Variants in HEATR3 observed in about 807,000 individuals in gnomAD.
HEATR3 encodes HEAT repeat containing 3.
HEATR3 carries 56 observed loss-of-function variants against 72.8 expected under a neutral mutation model. That is an observed-to-expected ratio of 0.77 (90% CI 0.62 to 0.96). The LOEUF (loss-of-function observed/expected upper bound fraction) is 0.96. Among genes scored for constraint, HEATR3 ranks in the 40% least tolerant of loss-of-function variants. The pLI, the probability that HEATR3 is intolerant of heterozygous loss-of-function variation, is 0.00. For missense variants in HEATR3, 747 were observed against 831.4 expected (o/e 0.90, Z 1.25); for synonymous variants, 331 against 318.1 (o/e 1.04, Z -0.43).
chr16:50,100,142 G>A (rs1396393909), intron 12 of HEATR3, 88 bp from the exon 13 acceptor site: 1 of 1,290,964 alleles, frequency 7.7e-7, no homozygotes, highest in Non-Finnish European at 1.1e-6. Flanking sequence ...GTAGCCTATA[G>A]AGGAGATTCC....
chr16:50,093,640 C>T (rs901610494), intron 11 of HEATR3, among the ~76,000 whole-genome samples: 6 of 152,160 alleles, frequency 3.9e-5, no homozygotes, highest in South Asian at 2.1e-4. Flanking sequence ...AAATACTAGT[C>T]TAGGGCCTCT....
chr16:50,072,993 ATTC>A, intron 5 of HEATR3: 2 of 316,548 alleles, frequency 6.3e-6, no homozygotes, highest in Non-Finnish European at 1.2e-5. Flanking sequence ...GCCTTTATTA[ATTC>A]TTGAAGTTTT....
Position 50,066,488 on chromosome 16 carries a change from T to G in HEATR3, c.260T>G (p.Leu87Arg). 1 of 1,345,976 alleles carries G rather than the reference T, an allele frequency of 7.4e-7. No homozygotes were observed. 83.4% of individuals were successfully genotyped at this position (1,345,976 alleles called of 1,614,324 possible). A position where few individuals can be genotyped will look rare whatever the true frequency, so the allele number is the denominator to read the frequency against. The change falls in exon 2 of 15, where the codon CTG becomes CGG. Residue 87 changes from leucine (L) to arginine (R), a missense_variant. By Grantham distance (102) the Leu-to-Arg change is moderately radical. Coordinates refer to ENST00000299192, the MANE Select transcript of HEATR3 (RefSeq NM_182922.4). ...GACGCCGTGCGCCGCCTCGGGCCGC[T>G]GCTGCTAGACCCCAGCCTGGCCGTC... is the stretch of plus-strand genomic sequence containing the variant. ...RRDAVRRLGP[L>R]LLDPSLAVRE...
chr16:50,098,642 C>T (rs529324556), intron 12 of HEATR3, among the ~76,000 whole-genome samples: 14 of 150,604 alleles, frequency 9.3e-5, no homozygotes, highest in Non-Finnish European at 2.1e-4. Context: ...GGCGACAGAG[C>T]GATACTCCGT....
intron 6 of HEATR3, among the ~76,000 whole-genome samples, chr16:50,077,522 C>T (rs1022113573): frequency 1.4e-4 from 21 of 152,228 alleles, no homozygotes; most frequent in Non-Finnish European, 2.1e-4. Context: ...AGTAAAAATC[C>T]GGAACTCTTT....
chr16:50,100,136 C>G, intron 12 of HEATR3, 94 bp from the exon 13 acceptor site: 1 of 1,186,610 alleles, frequency 8.4e-7, no homozygotes, highest in Non-Finnish European at 1.2e-6. Context: ...AATCCTGTAG[C>G]CTATAGAGGA....
chr16:50,075,484 T>C, intron 5 of HEATR3, 87 bp from the exon 6 acceptor site: 1 of 1,241,920 alleles, frequency 8.1e-7, no homozygotes, highest in Non-Finnish European at 1.2e-6. Flanking sequence ...GTGGTAATGA[T>C]ACAATGTTTT....
rs1026933363 is a variant in HEATR3 at position 50,089,218 on chromosome 16, T to A, written c.1510+2867T>A. 6.1e-5 allele frequency among the ~76,000 whole-genome samples: 9 copies of A among 146,908 alleles called. No individual in the cohort carries two copies. In the Admixed American group the frequency reaches 6.1e-4, roughly 10 times the overall value. ...TTTCATGTCTATTCTTGACATCATC[T>A]TTTTTTTTTTAAGGTTCAGGAATGT... On this transcript the variant is annotated intron_variant, in intron 11 of 14. Coordinates refer to ENST00000299192, the MANE Select transcript of HEATR3 (RefSeq NM_182922.4).
intron 12 of HEATR3, among the ~76,000 whole-genome samples, chr16:50,097,943 C>CAAAA (rs2037281967): frequency 6.7e-6 from 1 of 149,018 alleles, no homozygotes; most frequent in African/African-American, 2.5e-5. Flanking sequence ...AAAAAAAAAC[C>CAAAA]CTGGAATTAG....
chr16:50,066,606 C>T, intron 2 of HEATR3, 67 bp downstream of exon 2: 1 of 1,236,928 alleles, frequency 8.1e-7, no homozygotes, highest in Non-Finnish European at 1.0e-6. Flanking sequence ...TGCGGGCGGT[C>T]GCAGCGGTCA....
At chr16:50,070,769 G>A (rs1007051318) in intron 4 of HEATR3, among the ~76,000 whole-genome samples, 7 of 151,754 alleles carry the variant, frequency 4.6e-5, no homozygotes, top group East Asian at 1.9e-4. Context: ...TTCCCAGTCC[G>A]TTTTCTTACT....
At chr16:50,085,361 C>T (rs751513977) in intron 10 of HEATR3, among the ~76,000 whole-genome samples, 2 of 152,132 alleles carry the variant, frequency 1.3e-5, no homozygotes, top group African/African-American at 2.4e-5. Context: ...CATGGTGGCT[C>T]ACACCTATAA....
chr16:50,103,016 G>A (rs1051054944), intron 14 of HEATR3, among the ~76,000 whole-genome samples: 5 of 152,132 alleles, frequency 3.3e-5, no homozygotes, highest in African/African-American at 1.2e-4. Context: ...GCCCACCTTG[G>A]CCTCCCAAAG....
At position 50,078,839 on chromosome 16, in the gene HEATR3, G is replaced by A. The variant is rs1281712564; in HGVS notation, c.862G>A (p.Ala288Thr). 1 of 1,614,008 alleles carries A rather than the reference G, an allele frequency of 6.2e-7. No individual in the cohort carries two copies. The highest frequency in any genetic ancestry group is 8.5e-7 in the Non-Finnish European group (1 of 1,180,024). The part of the protein sequence containing the change: ...KILSEVLGMD[A>T]GEMVIQMKEA... ...CTTATCTGAAGTTTTGGGAATGGAT[G>A]CTGGTGAAATGGTTATTCAAATGAA... The change falls in exon 7 of 15, where the codon GCT becomes ACT. Residue 288 changes from alanine to threonine, a missense_variant. Ala to Thr is a moderately conservative substitution (Grantham distance 58). This residue lies in a region of HEATR3 where 586 missense variants were observed against 708.8 expected (regional missense o/e 0.83). Coordinates refer to ENST00000299192, the MANE Select transcript of HEATR3 (RefSeq NM_182922.4).
chr16:50,096,324 C>CAAAAAAAAAAAAAAAAAAA (rs59995532), intron 12 of HEATR3, among the ~76,000 whole-genome samples: 13 of 86,812 alleles, frequency 1.5e-4, no homozygotes, highest in Non-Finnish European at 2.0e-4. Flanking sequence ...GACTCCGTCT[C>CAAAAAAAAAAAAAAAAAAA]AAAAAAAAAA....
At chr16:50,086,982 C>T (rs2356837) in intron 11 of HEATR3, among the ~76,000 whole-genome samples, 119,889 of 151,630 alleles carry the variant, frequency 0.79, 47,521 homozygotes, top group Middle Eastern at 0.84. Context: ...TTCCCAGTTA[C>T]AAGCATTTAA....
At position 50,102,403 on chromosome 16, in the gene HEATR3, C is replaced by G. The variant is rs202192594; in HGVS notation, c.1888C>G (p.Leu630Val). 6.2e-7 allele frequency: 1 copy of G among 1,613,892 alleles called. No individual in the cohort carries two copies. The highest frequency in any genetic ancestry group is 1.3e-5 in the African/African-American group (1 of 75,018). The change falls in exon 14 of 15, where the codon CTG becomes GTG. Residue 630 changes from leucine to valine, a missense_variant. Coordinates refer to ENST00000299192, the MANE Select transcript of HEATR3 (RefSeq NM_182922.4). ...ASIQIKLLSALKEFQPVFKMK... is the reference protein window; with the variant it reads ...ASIQIKLLSAVKEFQPVFKMK... ...GATTCAAATTAAATTATTATCTGCT[C>G]TGAAAGAATTCCAGCCGGTCTTTAA...
At chr16:50,092,422 T>TTTTTTTC (rs766666380) in intron 11 of HEATR3, among the ~76,000 whole-genome samples, 1,413 of 111,376 alleles carry the variant, frequency 0.013, 238 homozygotes, top group Middle Eastern at 0.06. Context: ...GTCATTCTTT[T>TTTTTTTC]TTTTTTCTTT....
chr16:50,068,056 G>A (rs2036536669), intron 2 of HEATR3, among the ~76,000 whole-genome samples: 1 of 151,998 alleles, frequency 6.6e-6, no homozygotes, highest in Non-Finnish European at 1.5e-5. Flanking sequence ...ATGGAGGGGG[G>A]ATAGACGCTC....
Sources: gnomAD v4.1 joint callset for allele counts (sites outside exome capture counted in the v4.1 genomes callset) on GRCh38, gnomAD v4.1.1 for gene constraint, gnomAD v4.1.1 regional missense constraint, MANE v1.5 for transcripts, NCBI Gene and HGNC (gene_info 2026-07-23, HGNC 2026-07-21) for gene names.